Variants in LRP5 observed in about 807,000 individuals in gnomAD.
The protein encoded by LRP5 is low-density lipoprotein receptor-related protein 5.
In LRP5, 62 loss-of-function variants were observed where a neutral mutation model predicts 154.1. The observed-to-expected ratio is 0.40, with a 90% confidence interval of 0.33 to 0.50. The LOEUF (loss-of-function observed/expected upper bound fraction) is 0.50, where lower values mean the gene tolerates loss of function less well. Ranked by LOEUF, LRP5 falls within the 20% of genes least tolerant of loss-of-function variation. The probability of loss-of-function intolerance (pLI) is 0.55; values close to 1 mark genes in which losing one functional copy is unlikely to be tolerated. For synonymous variants in LRP5, 966 were observed against 1,011.5 expected (o/e 0.96, Z 0.85); for missense variants, 1,915 against 2,336.7 (o/e 0.82, Z 3.72).
At chr11:68,358,285 T>C (rs2098624879) in intron 3 of LRP5, among the ~76,000 whole-genome samples, 2 of 151,828 alleles carry the variant, frequency 1.3e-5, no homozygotes, top group South Asian at 4.2e-4. Context: ...CTGGCTAATT[T>C]TTGTATTTTT....
chr11:68,332,778 G>A (rs552623908), intron 1 of LRP5, among the ~76,000 whole-genome samples: 30 of 152,268 alleles, frequency 2.0e-4, no homozygotes, highest in Middle Eastern at 3.4e-3. Flanking sequence ...GGCTTAGCAG[G>A]TCCTTGGGTG....
chr11:68,313,010 C>T (rs2098589684), intron 1 of LRP5, among the ~76,000 whole-genome samples: 1 of 148,112 alleles, frequency 6.8e-6, no homozygotes, highest in African/African-American at 2.4e-5. Context: ...CGGGCCCTCC[C>T]CGGGGACGCT....
chr11:68,347,752 A>C lies in LRP5; in HGVS notation c.92-95A>C, dbSNP rs142253047. 6,745 of 1,430,112 alleles carry C rather than the reference A, an allele frequency of 4.7e-3. 59 individuals carry two copies. The highest frequency in any genetic ancestry group is 4.4e-3 in the Non-Finnish European group (4,464 of 1,023,686). 88.6% of individuals were successfully genotyped at this position (1,430,112 alleles called of 1,614,324 possible). A position where few individuals can be genotyped will look rare whatever the true frequency, so the allele number is the denominator to read the frequency against. ...TGGAGGTCTTGGGCATGGGCAGGGC[A>C]GTACCAGGAGTGCTCTGGGCATAGT... On this transcript the variant is annotated intron_variant, in intron 1 of 22. Transcript: ENST00000294304.
intron 18 of LRP5, among the ~76,000 whole-genome samples, chr11:68,435,385 C>A (rs1048476462): frequency 2.0e-5 from 3 of 152,190 alleles, no homozygotes; most frequent in Non-Finnish European, 2.9e-5. Context: ...GTATGGCACC[C>A]GCATCTGCTC....
At chr11:68,394,298 A>G (rs1166590244) in intron 7 of LRP5, among the ~76,000 whole-genome samples, 2 of 152,052 alleles carry the variant, frequency 1.3e-5, no homozygotes, top group Non-Finnish European at 2.9e-5. Flanking sequence ...TGTCCTTGGG[A>G]AGTTAGAAGA....
chr11:68,363,844 G>T lies in LRP5; in HGVS notation c.784G>T (p.Ala262Ser). The change falls in exon 4 of 23, where the codon GCC (alanine) becomes TCC (serine). Residue 262 changes from alanine to serine, a missense_variant. Coordinates refer to ENST00000294304, the MANE Select transcript of LRP5 (RefSeq NM_002335.4). ...WTDWQTRSIHACNKRTGGKRK... is the reference protein window; with the variant it reads ...WTDWQTRSIHSCNKRTGGKRK... Reference sequence around the variant, plus strand: ...AGACTGGCAGACCCGCTCCATCCATGCCTGCAACAAGCGCACTGGGGGGAA... The same window carrying T: ...AGACTGGCAGACCCGCTCCATCCATTCCTGCAACAAGCGCACTGGGGGGAA... The T allele has an allele frequency of 1.9e-6, 3 of 1,613,182 alleles. No individual in the cohort carries two copies. The highest frequency in any genetic ancestry group is 2.5e-6 in the Non-Finnish European group (3 of 1,179,890).
intron 13 of LRP5, among the ~76,000 whole-genome samples, chr11:68,419,837 C>T (rs566420657): frequency 1.1e-4 from 17 of 151,896 alleles, no homozygotes; most frequent in East Asian, 9.7e-4. Context: ...CCACCGTGCC[C>T]GGCCTTTTTT....
At chr11:68,369,983 G>A (rs1336220603) in intron 5 of LRP5, among the ~76,000 whole-genome samples, 2 of 152,168 alleles carry the variant, frequency 1.3e-5, no homozygotes, top group South Asian at 2.1e-4. Flanking sequence ...CACCATGACC[G>A]GCGCCTTAGG....
At chr11:68,388,131 G>A (rs574828926) in intron 6 of LRP5, among the ~76,000 whole-genome samples, 104 of 152,254 alleles carry the variant, frequency 6.8e-4, no homozygotes, top group Non-Finnish European at 1.3e-3. Flanking sequence ...AGGCATGTGG[G>A]AGAGGGCTGC....
the LRP5 span, among the ~76,000 whole-genome samples, chr11:68,302,214 G>A: frequency 1.3e-5 from 2 of 151,670 alleles, no homozygotes; most frequent in African/African-American, 4.8e-5. Flanking sequence ...GGGCGTGGTG[G>A]TGCCACCTGT....
At position 68,447,786 on chromosome 11, in the gene LRP5, G is replaced by C. The variant is rs1189034356; in HGVS notation, c.4587-1023G>C. Among the ~76,000 whole-genome samples, 1 of 152,166 alleles carries C rather than the reference G, an allele frequency of 6.6e-6. No homozygotes were observed. ...TTGCAGGCCCCTCTGTGACAGGACG[G>C]GGGCTCCTAAACACACCACAGTTCC... On this transcript the variant is annotated intron_variant, in intron 22 of 22. Coordinates refer to ENST00000294304, the MANE Select transcript of LRP5 (RefSeq NM_002335.4). The surrounding 1 kb of genome is among the most constrained non-coding windows in gnomAD (Gnocchi z 4.3).
rs199960554 is a variant in LRP5, at chr11:68,425,257, C to T, written c.3392C>T (p.Ala1131Val). The change falls in exon 15 of 23, where the codon GCG (alanine) becomes GTG (valine). Residue 1131 changes from alanine (A) to valine (V), a missense_variant. By Grantham distance (64) the Ala-to-Val change is moderately conservative. Coordinates refer to ENST00000294304, the MANE Select transcript of LRP5 (RefSeq NM_002335.4). The part of the protein sequence containing the change: ...NTLGKLFWVD[A>V]DLKRIESCDL... ...CTGGGCAAGCTGTTCTGGGTGGACG[C>T]GGACCTGAAGCGCATTGAGAGCTGT... is the stretch of plus-strand genomic sequence containing the variant. The T allele has an allele frequency of 1.5e-5, 24 of 1,610,980 alleles. No homozygotes were observed. Among genetic ancestry groups the T allele is most frequent in the East Asian group, 6.7e-5 (3 of 44,882 alleles).
At position 68,439,903 on chromosome 11, in the gene LRP5, C is replaced by T. The variant is rs767294114; in HGVS notation, c.4475C>T (p.Thr1492Met). 31 of 1,477,408 alleles carry T rather than the reference C, an allele frequency of 2.1e-5. No individual in the cohort carries two copies. Among genetic ancestry groups the T allele is most frequent in the Admixed American group, 4.1e-5 (2 of 48,476 alleles). 91.5% of individuals were successfully genotyped at this position (1,477,408 alleles called of 1,614,324 possible). Residue 1492 changes from threonine (T) to methionine (M), a missense_variant, in exon 21 of 23, where the codon ACG (threonine) becomes ATG (methionine). Thr to Met is a moderately conservative substitution (Grantham distance 81, BLOSUM62 -1). This residue lies in a region of LRP5 where 1,094 missense variants were observed against 1,210.1 expected (regional missense o/e 0.90). Transcript: ENST00000294304. ...SSSSSSSTKA[T>M]LYPPILNPPP... ...AGCAGCTCGTCCAGCACGAAGGCCA[C>T]GCTGTACCCGCCGGTGAGGGGCGGG...
intron 1 of LRP5, among the ~76,000 whole-genome samples, chr11:68,333,026 A>G (rs968577776): frequency 6.6e-6 from 1 of 152,220 alleles, no homozygotes; most frequent in Non-Finnish European, 1.5e-5. Context: ...TCTTTAGACA[A>G]CTGCAGAATT....
chr11:68,350,146 C>T (rs577065175), intron 2 of LRP5, among the ~76,000 whole-genome samples: 36 of 152,356 alleles, frequency 2.4e-4, no homozygotes, highest in African/African-American at 7.9e-4. Flanking sequence ...AAGTGATTCT[C>T]CTGCCTCAGC....
intron 7 of LRP5, among the ~76,000 whole-genome samples, chr11:68,401,100 A>G (rs1454629298): frequency 6.6e-6 from 1 of 152,094 alleles, no homozygotes; most frequent in African/African-American, 2.4e-5. Context: ...GTGTCCTTGG[A>G]GAAGCCTGCA....
At chr11:68,392,432 A>T (rs1247673912) in intron 7 of LRP5, among the ~76,000 whole-genome samples, 1 of 152,106 alleles carries the variant, frequency 6.6e-6, no homozygotes, top group Non-Finnish European at 1.5e-5. Context: ...TGAGCCCGGG[A>T]GGTGGAGGTT....
upstream of LRP5, among the ~76,000 whole-genome samples, chr11:68,310,374 C>A (rs1030321578): frequency 6.6e-6 from 1 of 152,190 alleles, no homozygotes; most frequent in Non-Finnish European, 1.5e-5. Context: ...CATCCCAGCA[C>A]TTTGGGAGGC....
At chr11:68,336,941 A>C (rs1283955774) in intron 1 of LRP5, among the ~76,000 whole-genome samples, 1 of 152,226 alleles carries the variant, frequency 6.6e-6, no homozygotes, top group East Asian at 1.9e-4. Context: ...TCTTGACCAC[A>C]AACAATGGTG....
Sources: allele counts gnomAD v4.1 joint callset (sites outside exome capture counted in the v4.1 genomes callset), GRCh38; gene constraint gnomAD v4.1.1; regional missense constraint gnomAD v4.1.1; non-coding constraint Gnocchi (gnomAD v3.1); transcripts MANE v1.5; gene names NCBI Gene and HGNC (gene_info 2026-07-23, HGNC 2026-07-21).